Variants in CCDC175 observed in about 807,000 individuals in gnomAD.
The protein encoded by CCDC175 is coiled-coil domain containing 175.
In CCDC175, 100 loss-of-function variants were observed where a neutral mutation model predicts 114.6. That is an observed-to-expected ratio of 0.87 (90% CI 0.74 to 1.03). CCDC175 has a LOEUF of 1.03. Ranked by LOEUF, CCDC175 falls within the 50% of genes least tolerant of loss-of-function variation. The pLI, the probability that CCDC175 is intolerant of heterozygous loss-of-function variation, is 0.00. For missense variants in CCDC175, 880 were observed against 917.8 expected, an observed-to-expected ratio of 0.96 and a Z score of 0.53; for synonymous variants, 306 against 308.7, an observed-to-expected ratio of 0.99 and a Z score of 0.09.
intron 8 of CCDC175, among the ~76,000 whole-genome samples, chr14:59,550,321 C>A (rs1184859108): frequency 6.6e-6 from 1 of 152,068 alleles, no homozygotes; most frequent in Admixed American, 6.6e-5. Context: ...ACCCTCACCC[C>A]CAATTTTTCA....
At chr14:59,558,881 G>A (rs576134990) in intron 7 of CCDC175, among the ~76,000 whole-genome samples, 5 of 152,130 alleles carry the variant, frequency 3.3e-5, no homozygotes, top group Middle Eastern at 3.4e-3. Flanking sequence ...ATTTAGAGTC[G>A]TAAAAAAGAA....
At chr14:59,540,847 A>G in intron 10 of CCDC175, 101 bp from the exon 11 acceptor site, 1 of 980,196 alleles carries the variant, frequency 1.0e-6, no homozygotes, top group Non-Finnish European at 1.5e-6. Flanking sequence ...GCTATAGTCT[A>G]ATTGGGAGAC....
intron 3 of CCDC175, 22 bp from the exon 4 acceptor site, chr14:59,568,402 T>C: frequency 6.8e-7 from 1 of 1,479,652 alleles, no homozygotes; most frequent in Non-Finnish European, 8.9e-7. Flanking sequence ...GTGGAAATAT[T>C]ACTACATTAT....
chr14:59,536,930 G>A (rs1261230739), intron 13 of CCDC175, among the ~76,000 whole-genome samples: 1 of 152,052 alleles, frequency 6.6e-6, no homozygotes, highest in Non-Finnish European at 1.5e-5. Context: ...ACAGGGGCAT[G>A]CCACCATGCC....
At chr14:59,570,433 A>G (rs1033443405) in intron 3 of CCDC175, among the ~76,000 whole-genome samples, 2 of 150,296 alleles carry the variant, frequency 1.3e-5, no homozygotes, top group Non-Finnish European at 3.0e-5. Flanking sequence ...TGGAAAATCT[A>G]CCTTTTTTTT....
chr14:59,558,623 T>G (rs1896057741), intron 7 of CCDC175, among the ~76,000 whole-genome samples: 2 of 152,108 alleles, frequency 1.3e-5, no homozygotes, highest in Non-Finnish European at 2.9e-5. Flanking sequence ...CATTAACTGA[T>G]AATGGAAGAC....
intron 15 of CCDC175, among the ~76,000 whole-genome samples, chr14:59,526,346 C>T (rs1893732176): frequency 6.6e-6 from 1 of 152,008 alleles, no homozygotes; most frequent in Non-Finnish European, 1.5e-5. Flanking sequence ...TAGCTCACAC[C>T]TATAATCCCG....
chr14:59,541,950 G>A (rs1161354403), intron 10 of CCDC175, among the ~76,000 whole-genome samples: 1 of 152,180 alleles, frequency 6.6e-6, no homozygotes, highest in East Asian at 1.9e-4. Context: ...ACAGATGTTT[G>A]AATATATTAT....
intron 7 of CCDC175, among the ~76,000 whole-genome samples, chr14:59,557,174 TA>T (rs1367499308): frequency 2.0e-5 from 3 of 152,144 alleles, no homozygotes; most frequent in African/African-American, 7.2e-5. Context: ...CACGTATGTT[TA>T]TTGCGGCACT....
At chr14:59,564,718 C>T (rs1896422973) in intron 5 of CCDC175, among the ~76,000 whole-genome samples, 1 of 149,696 alleles carries the variant, frequency 6.7e-6, no homozygotes, top group African/African-American at 2.6e-5. Context: ...TCCATACAGA[C>T]ACAGTCTCAG....
chr14:59,534,501 A>G (rs953995141), intron 13 of CCDC175, among the ~76,000 whole-genome samples: 7 of 152,120 alleles, frequency 4.6e-5, no homozygotes, highest in African/African-American at 1.7e-4. Context: ...TGCCCTGCTG[A>G]CTTCAGGCCC....
intron 7 of CCDC175, among the ~76,000 whole-genome samples, chr14:59,556,499 A>G (rs1274688875): frequency 6.6e-6 from 1 of 152,222 alleles, no homozygotes; most frequent in Non-Finnish European, 1.5e-5. Context: ...ACCTAAAACC[A>G]TAGAAACCCT....
chr14:59,517,278 C>T (rs1354277797), intron 17 of CCDC175, among the ~76,000 whole-genome samples: 2 of 152,194 alleles, frequency 1.3e-5, no homozygotes, highest in Non-Finnish European at 2.9e-5. Flanking sequence ...GATGCCCTCT[C>T]TCACCACTCC....
chr14:59,516,863 C>CA (rs1042759565), intron 17 of CCDC175, among the ~76,000 whole-genome samples: 3 of 151,972 alleles, frequency 2.0e-5, no homozygotes, highest in African/African-American at 7.2e-5. Flanking sequence ...AGAGACACAA[C>CA]AAAAAAAGAG....
At position 59,567,373 on chromosome 14, in the gene CCDC175, G is replaced by T. The variant is rs568324270; in HGVS notation, c.491+872C>A. Among the ~76,000 whole-genome samples the T allele has an allele frequency of 2.1e-4, 32 of 152,244 alleles. No individual in the cohort carries two copies. In the South Asian group the frequency reaches 6.6e-3, roughly 32 times the overall value. ...TGGGATCAATGTCCCTGGGTCTTGA[G>T]GTCTCTAGCTGATTTCTGATGTTTA... On this transcript the variant is annotated intron_variant, in intron 4 of 19. Coordinates refer to ENST00000537690, the MANE Select transcript of CCDC175 (RefSeq NM_001164399.2).
chr14:59,515,571 G>A (rs1246746384), intron 17 of CCDC175, among the ~76,000 whole-genome samples: 1 of 152,076 alleles, frequency 6.6e-6, no homozygotes, highest in Non-Finnish European at 1.5e-5. Flanking sequence ...AGACAAAGAA[G>A]GCCATTACAT....
chr14:59,516,552 T>C (rs1893096858), intron 17 of CCDC175, among the ~76,000 whole-genome samples: 1 of 152,136 alleles, frequency 6.6e-6, no homozygotes, highest in South Asian at 2.1e-4. Flanking sequence ...TCTATGCAAA[T>C]AAGCTAGAAA....
chr14:59,537,982 T>A lies in CCDC175; in HGVS notation c.1623+41A>T, dbSNP rs1267068540. On this transcript the variant is annotated intron_variant, in intron 13 of 19. Coordinates refer to ENST00000537690, the MANE Select transcript of CCDC175 (RefSeq NM_001164399.2). ...AATATTATTCCCCCTCCCCCTCATG[T>A]AGTCATCCAAAAGTATTCTTAGATG... is the stretch of plus-strand genomic sequence containing the variant. 6 of 1,396,600 alleles carry A rather than the reference T, an allele frequency of 4.3e-6. No homozygotes were observed. In the African/African-American group the frequency reaches 8.6e-5, roughly 20 times the overall value. 86.5% of individuals were successfully genotyped at this position (1,396,600 alleles called of 1,614,324 possible).
At chr14:59,534,001 A>AAAAAAAAACAAAAAAACAAAAAAAC (rs1566609226) in intron 13 of CCDC175, among the ~76,000 whole-genome samples, 11 of 151,724 alleles carry the variant, frequency 7.3e-5, no homozygotes, top group African/African-American at 2.7e-4. Flanking sequence ...AAAAAAAAAA[A>AAAAAAAAACAAAAAAACAAAAAAAC]AAAAAGAAAC....
Sources: gnomAD v4.1 joint callset for allele counts (sites outside exome capture counted in the v4.1 genomes callset) on GRCh38, gnomAD v4.1.1 for gene constraint, MANE v1.5 for transcripts, NCBI Gene and HGNC (gene_info 2026-07-23, HGNC 2026-07-21) for gene names.